PER3: variants seen among roughly 807,000 people sequenced by gnomAD.
PER3 encodes period circadian regulator 3.
PER3 carries 107 observed loss-of-function variants against 127.2 expected under a neutral mutation model. The ratio of observed to expected loss-of-function variants is 0.84; its 90% CI spans 0.72 to 0.99. PER3 has a LOEUF of 0.99. PER3 is among the 50% of genes least tolerant of loss of function. The pLI, the probability that PER3 is intolerant of heterozygous loss-of-function variation, is 0.00. For synonymous variants in PER3, 618 were observed against 585.8 expected (o/e 1.05, Z -0.79); for missense variants, 1,560 against 1,525.8 (o/e 1.02, Z -0.37).
intron 10 of PER3, among the ~76,000 whole-genome samples, chr1:7,806,810 A>ATATATATATATAT (rs60458932): frequency 1.1e-3 from 85 of 75,208 alleles, no homozygotes; most frequent in South Asian, 2.1e-3. Flanking sequence ...AAAAAAAAAA[A>ATATATATATATAT]AAATATATAT....
rs2097207648 is a variant in PER3, at chr1:7,808,990, C to T, written c.1234C>T (p.Leu412Phe). The change falls in exon 11 of 22, where the codon CTC (leucine) becomes TTC (phenylalanine). Residue 412 changes from leucine to phenylalanine, a missense_variant. Physicochemically the swap from Leu to Phe is conservative, Grantham distance 22 (BLOSUM62 0). Around this residue, in one of 3 missense-constraint regions of PER3, gnomAD observed 1,332 missense variants for 1,223.6 expected, o/e 1.09. Transcript: ENST00000377532. ...ATTACAAGAACAAATTTACAAACTTCTCTTACAGGTAAGGTGAGATTGTTA... is the reference window on the plus strand; with the variant it reads ...ATTACAAGAACAAATTTACAAACTTTTCTTACAGGTAAGGTGAGATTGTTA... ...TELQEQIYKLLLQPVHVSVSS... is the reference protein window; with the variant it reads ...TELQEQIYKLFLQPVHVSVSS... 1 of 1,464,436 alleles carries T rather than the reference C, an allele frequency of 6.8e-7. No individual in the cohort carries two copies. Among genetic ancestry groups the T allele is most frequent in the Non-Finnish European group, 9.6e-7 (1 of 1,046,288 alleles). The allele number at this position is 1,464,436 out of a possible 1,614,324, so 90.7% of individuals were successfully genotyped here. A position where few individuals can be genotyped will look rare whatever the true frequency, so the allele number is the denominator to read the frequency against.
At position 7,841,918 on chromosome 1, in the gene PER3, G is replaced by A. The variant is rs141063887; in HGVS notation, c.3550-754G>A. On this transcript the variant is annotated intron_variant, in intron 21 of 21. Transcript: ENST00000377532. ...AGTAATGGGGATGTTTTGTGCAAGCGTCCTAGAGTGTACTCATACAAACCT... is the reference window on the plus strand; with the variant it reads ...AGTAATGGGGATGTTTTGTGCAAGCATCCTAGAGTGTACTCATACAAACCT... Among the ~76,000 whole-genome samples, 1,247 of 152,240 alleles carry A rather than the reference G, an allele frequency of 8.2e-3. 11 individuals are homozygous for A. The highest frequency in any genetic ancestry group is 0.011 in the Non-Finnish European group (758 of 68,024).
At chr1:7,798,733 G>T (rs747735504) in intron 7 of PER3, 60 bp downstream of exon 7, 15 of 1,385,994 alleles carry the variant, frequency 1.1e-5, no homozygotes, top group Non-Finnish European at 1.5e-5. Flanking sequence ...GGGAAAGTCT[G>T]TTTACGTCAG....
intron 10 of PER3, among the ~76,000 whole-genome samples, chr1:7,807,890 C>G (rs966697218): frequency 2.6e-5 from 4 of 152,104 alleles, no homozygotes; most frequent in African/African-American, 9.7e-5. Flanking sequence ...GTGTAAAGCA[C>G]TTGGAATAAT....
At chr1:7,803,184 AT>A (rs920724510) in intron 9 of PER3, 31 bp downstream of exon 9, 2 of 1,249,212 alleles carry the variant, frequency 1.6e-6, no homozygotes, top group African/African-American at 3.0e-5. Context: ...AGGAGGAAAT[AT>A]TTTTCTCTCA....
intron 19 of PER3, among the ~76,000 whole-genome samples, chr1:7,832,353 A>G (rs960679359): frequency 9.1e-6 from 1 of 109,326 alleles, no homozygotes; most frequent in African/African-American, 3.4e-5. Flanking sequence ...TTTTTATTTT[A>G]TTGATTTATG....
At chr1:7,833,959 G>C (rs2097345228) in intron 19 of PER3, among the ~76,000 whole-genome samples, 1 of 151,792 alleles carries the variant, frequency 6.6e-6, no homozygotes, top group Non-Finnish European at 1.5e-5. Context: ...GTCTCACTCT[G>C]TCACCCAGGC....
Position 7,844,056 on chromosome 1 carries a change from TTGGTTTTTTA to T in PER3, c.*1312_*1321del. The T allele has an allele frequency of 3.1e-6, 3 of 982,186 alleles. No homozygotes were observed. The highest frequency in any genetic ancestry group is 2.4e-5 in the South Asian group (1 of 41,210). 60.8% of individuals were successfully genotyped at this position (982,186 alleles called of 1,614,324 possible). A position where few individuals can be genotyped will look rare whatever the true frequency, so the allele number is the denominator to read the frequency against. On this transcript the variant is annotated 3_prime_UTR_variant, in exon 22 of 22. Transcript: ENST00000377532. ...TTATTTTTTTTTCCTTTTTTTGTTT[TTGGTTTTTTA>T]TGGTTTTTTAAGGAAAATACTTTTC...
At chr1:7,806,195 T>C (rs1487506432) in intron 10 of PER3, among the ~76,000 whole-genome samples, 1 of 152,114 alleles carries the variant, frequency 6.6e-6, no homozygotes, top group Non-Finnish European at 1.5e-5. Context: ...GCAAGACTGT[T>C]TAGCAAGGGA....
intron 21 of PER3, among the ~76,000 whole-genome samples, chr1:7,838,587 A>G (rs1229305033): frequency 1.3e-5 from 2 of 152,036 alleles, no homozygotes; most frequent in Admixed American, 1.3e-4. Context: ...TTTTGTAGAA[A>G]TGGGGTTTCC....
chr1:7,820,050 AAGAG>A, intron 14 of PER3, 61 bp from the exon 15 acceptor site: 1 of 1,545,422 alleles, frequency 6.5e-7, no homozygotes, highest in South Asian at 1.2e-5. Flanking sequence ...GAGAAAAGCA[AAGAG>A]GTGGGAAATG....
intron 19 of PER3, among the ~76,000 whole-genome samples, chr1:7,832,366 C>CTTTTTTT (rs33933452): frequency 1.2e-5 from 1 of 85,834 alleles, no homozygotes; most frequent in Middle Eastern, 9.4e-3. Context: ...GATTTATGCT[C>CTTTTTTT]TTTTTTTTTT....
At chr1:7,822,966 G>C in intron 16 of PER3, among the ~76,000 whole-genome samples, 1 of 152,136 alleles carries the variant, frequency 6.6e-6, no homozygotes, top group Non-Finnish European at 1.5e-5. Flanking sequence ...GGCTGAGACA[G>C]GAGGATCAAT....
At chr1:7,795,757 CG>C (rs1279761742) in intron 6 of PER3, among the ~76,000 whole-genome samples, 3 of 152,200 alleles carry the variant, frequency 2.0e-5, no homozygotes, top group African/African-American at 4.8e-5. Flanking sequence ...ATTTTCAAAA[CG>C]TTTTACTTTG....
In PER3 at chr1:7,836,939, A is replaced by G. The variant is rs201233839; in HGVS notation, c.3399-60A>G. 1.7e-3 allele frequency: 2,324 copies of G among 1,358,466 alleles called. 3 individuals carry two copies. Among genetic ancestry groups the G allele is most frequent in the Non-Finnish European group, 2.2e-3 (2,098 of 973,910 alleles). The allele number at this position is 1,358,466 out of a possible 1,614,324, so 84.2% of individuals were successfully genotyped here. A position where few individuals can be genotyped will look rare whatever the true frequency, so the allele number is the denominator to read the frequency against. On this transcript the variant is annotated intron_variant, in intron 20 of 21. Transcript: ENST00000377532. ...CAAGAAGAAGTGCTATTCCTAGATG[A>G]CGGGAAAAGAACCCTGTGTCTTATT...
Position 7,784,695 on chromosome 1 carries a change from T to C in PER3, c.-183T>C, listed in dbSNP as rs2097076663. The C allele has an allele frequency of 3.7e-6, 2 of 541,332 alleles. No individual in the cohort carries two copies. Among genetic ancestry groups the C allele is most frequent in the Non-Finnish European group, 6.0e-6 (2 of 333,802 alleles). 33.5% of individuals were successfully genotyped at this position (541,332 alleles called of 1,614,324 possible). A position where few individuals can be genotyped will look rare whatever the true frequency, so the allele number is the denominator to read the frequency against. On this transcript the variant is annotated 5_prime_UTR_variant, in exon 2 of 22. An upstream start codon of the reference 5' UTR is lost. Coordinates refer to ENST00000377532, the MANE Select transcript of PER3 (RefSeq NM_001377275.1). ...TCGAGCGAGCTCCGGGTTTTGAAAA[T>C]GTTGGAGGGAAAAGCTCCTCGGAGA...
Position 7,842,914 on chromosome 1 carries a change from T to C in PER3, c.*159T>C. 1 of 489,142 alleles carries C rather than the reference T, an allele frequency of 2.0e-6. No homozygotes were observed. The highest frequency in any genetic ancestry group is 3.5e-6 in the Non-Finnish European group (1 of 281,704). The allele number at this position is 489,142 out of a possible 1,614,324, so 30.3% of individuals were successfully genotyped here. On this transcript the variant is annotated 3_prime_UTR_variant, in exon 22 of 22. Transcript: ENST00000377532. ...CACGTAATCTTTTTGAAGCAGACATTGTATACAGAATCTTACTTCTCTTTG... is the reference window on the plus strand; with the variant it reads ...CACGTAATCTTTTTGAAGCAGACATCGTATACAGAATCTTACTTCTCTTTG...
chr1:7,820,308 G>A, intron 15 of PER3, 69 bp downstream of exon 15: 2 of 1,515,650 alleles, frequency 1.3e-6, no homozygotes, highest in Admixed American at 3.8e-5. Context: ...TCTCTTTAAT[G>A]TCTTATATTG....
At position 7,842,988 on chromosome 1, in the gene PER3, G is replaced by A. The variant is rs2097398441; in HGVS notation, c.*233G>A. 1.0e-5 allele frequency: 3 copies of A among 290,376 alleles called. No individual in the cohort carries two copies. Among genetic ancestry groups the A allele is most frequent in the Non-Finnish European group, 2.0e-5 (3 of 152,856 alleles). The allele number at this position is 290,376 out of a possible 1,614,324, so 18.0% of individuals were successfully genotyped here. A position where few individuals can be genotyped will look rare whatever the true frequency, so the allele number is the denominator to read the frequency against. On this transcript the variant is annotated 3_prime_UTR_variant, in exon 22 of 22. Coordinates refer to ENST00000377532, the MANE Select transcript of PER3 (RefSeq NM_001377275.1). ...GTTAGGCTCTTTTTGTAGTTGAATT[G>A]TCTTCTAAAGAGATTGGATGGCCTC...
Sources: gnomAD v4.1 joint callset for allele counts (sites outside exome capture counted in the v4.1 genomes callset) on GRCh38, gnomAD v4.1.1 for gene constraint, gnomAD v4.1.1 regional missense constraint, MANE v1.5 for transcripts, NCBI Gene and HGNC (gene_info 2026-07-23, HGNC 2026-07-21) for gene names.